HTR1E: variants seen among roughly 807,000 people sequenced by gnomAD.
The protein encoded by HTR1E is 5-HT-1E.
Under a neutral mutation model 3.4 loss-of-function variants are expected in HTR1E, and 3 were observed. The ratio of observed to expected loss-of-function variants is 0.89; its 90% CI spans 0.41 to 2.31. HTR1E has a LOEUF of 2.31. HTR1E is among the 30% of genes most tolerant of loss of function. HTR1E has a pLI of 0.05. For synonymous variants in HTR1E, 170 were observed against 182.8 expected (o/e 0.93, Z 0.56); for missense variants, 392 against 467.0 (o/e 0.84, Z 1.48).
chr6:86,994,592 G>GC (rs1180006957), intron 1 of HTR1E, among the ~76,000 whole-genome samples: 1 of 106,162 alleles, frequency 9.4e-6, no homozygotes, highest in African/African-American at 3.7e-5. Context: ...AAGGGAATTT[G>GC]CCTGAAGATC....
chr6:87,010,033 G>C (rs1176961196), intron 1 of HTR1E, among the ~76,000 whole-genome samples: 23 of 126,698 alleles, frequency 1.8e-4, no homozygotes, highest in African/African-American at 5.4e-4. Context: ...CCTCCCTCCC[G>C]GACGGGGTGG....
intron 1 of HTR1E, among the ~76,000 whole-genome samples, chr6:86,973,298 CTGTG>C (rs3043129): frequency 0.35 from 51,585 of 149,384 alleles, 8,776 homozygotes; most frequent in South Asian, 0.4. Flanking sequence ...AAGGCAGTGG[CTGTG>C]TGTGTGTGTG....
intron 1 of HTR1E, among the ~76,000 whole-genome samples, chr6:86,972,764 G>A (rs1767578220): frequency 6.6e-6 from 1 of 152,104 alleles, no homozygotes; most frequent in African/African-American, 2.4e-5. Context: ...ATGCGAGTTG[G>A]GGGAACTCTG....
chr6:87,015,184 C>T lies in HTR1E; in HGVS notation c.-151C>T. 2 of 491,584 alleles carry T rather than the reference C, an allele frequency of 4.1e-6. No individual in the cohort carries two copies. Among genetic ancestry groups the T allele is most frequent in the Non-Finnish European group, 6.7e-6 (2 of 298,554 alleles). The allele number at this position is 491,584 out of a possible 1,614,324, so 30.5% of individuals were successfully genotyped here. On this transcript the variant is annotated 5_prime_UTR_variant, in exon 2 of 2. Coordinates refer to ENST00000305344, the MANE Select transcript of HTR1E (RefSeq NM_000865.3). ...CTCAGAAGAAATGCTGTGGCCCTTC[C>T]CTTTACCAACAGAAAATGGAACACA...
intron 1 of HTR1E, among the ~76,000 whole-genome samples, chr6:87,010,017 C>T (rs1768184466): frequency 7.9e-6 from 1 of 127,212 alleles, no homozygotes; most frequent in Non-Finnish European, 1.7e-5. Flanking sequence ...AGGGCTGACC[C>T]CCCCACCTCC....
intron 1 of HTR1E, among the ~76,000 whole-genome samples, chr6:86,969,511 T>G (rs1326589108): frequency 6.6e-6 from 1 of 152,210 alleles, no homozygotes; most frequent in Non-Finnish European, 1.5e-5. Flanking sequence ...GAACATTATT[T>G]TCCGCCATGT....
At chr6:86,984,473 T>C (rs975700902) in intron 1 of HTR1E, among the ~76,000 whole-genome samples, 3 of 152,202 alleles carry the variant, frequency 2.0e-5, no homozygotes, top group African/African-American at 7.2e-5. Context: ...TGGGTTTTAA[T>C]ACTGTACTCT....
intron 1 of HTR1E, among the ~76,000 whole-genome samples, chr6:86,968,756 C>T (rs1767509076): frequency 6.6e-6 from 1 of 151,970 alleles, no homozygotes; most frequent in East Asian, 1.9e-4. Context: ...GTGTGGCATT[C>T]GTTTTCATTA....
At chr6:87,006,505 A>C (rs1019540811) in intron 1 of HTR1E, among the ~76,000 whole-genome samples, 1 of 152,220 alleles carries the variant, frequency 6.6e-6, no homozygotes, top group Non-Finnish European at 1.5e-5. Context: ...ACATTGTGGA[A>C]TATGGTGTGG....
chr6:86,999,628 T>TA (rs1352796519), intron 1 of HTR1E, among the ~76,000 whole-genome samples: 1 of 152,256 alleles, frequency 6.6e-6, no homozygotes, highest in East Asian at 1.9e-4. Flanking sequence ...TGATTTTCTC[T>TA]ACCAATGGTT....
intron 1 of HTR1E, among the ~76,000 whole-genome samples, chr6:86,986,738 C>T (rs1040131767): frequency 6.6e-6 from 1 of 152,088 alleles, no homozygotes. Context: ...GATATTAGTA[C>T]CCTATCAAAT....
chr6:86,959,132 T>C (rs944702733), intron 1 of HTR1E, among the ~76,000 whole-genome samples: 1 of 152,138 alleles, frequency 6.6e-6, no homozygotes, highest in East Asian at 1.9e-4. Flanking sequence ...AGAGGCAGAA[T>C]TCCCTCTTCC....
intron 1 of HTR1E, among the ~76,000 whole-genome samples, chr6:86,950,193 T>G (rs1767216190): frequency 6.6e-6 from 1 of 152,182 alleles, no homozygotes; most frequent in African/African-American, 2.4e-5. Flanking sequence ...AAAATTTCAC[T>G]ATTCTTGAAA....
In HTR1E at chr6:87,011,848, G is replaced by C. The variant is rs1214732867; in HGVS notation, c.-185-3302G>C. ...AAAAAGGAAAAGAGAGCTTTTAATA[G>C]GTGGCTGAAAGGGTTAGAAAAAAAA... is the stretch of plus-strand genomic sequence containing the variant. On this transcript the variant is annotated intron_variant, in intron 1 of 1. Transcript: ENST00000305344. 5.3e-5 allele frequency among the ~76,000 whole-genome samples: 8 copies of C among 152,160 alleles called. No individual in the cohort carries two copies. In the South Asian group the frequency reaches 1.7e-3, roughly 32 times the overall value.
intron 1 of HTR1E, among the ~76,000 whole-genome samples, chr6:86,990,449 G>A (rs1767856948): frequency 6.6e-6 from 1 of 152,086 alleles, no homozygotes; most frequent in African/African-American, 2.4e-5. Flanking sequence ...AGGTGTTGTT[G>A]CCAGTCTATA....
chr6:86,955,825 A>C (rs1439341881), intron 1 of HTR1E, among the ~76,000 whole-genome samples: 1 of 152,206 alleles, frequency 6.6e-6, no homozygotes, highest in East Asian at 1.9e-4. Context: ...TGAGAAACTG[A>C]TGATAAATTT....
chr6:87,009,686 G>T (rs1290386596), intron 1 of HTR1E, among the ~76,000 whole-genome samples: 1 of 146,818 alleles, frequency 6.8e-6, no homozygotes, highest in Non-Finnish European at 1.5e-5. Flanking sequence ...TGGCCGGGCG[G>T]GGGGCCGACC....
chr6:87,013,834 A>G (rs1768274990), intron 1 of HTR1E, among the ~76,000 whole-genome samples: 1 of 152,222 alleles, frequency 6.6e-6, no homozygotes, highest in Non-Finnish European at 1.5e-5. Flanking sequence ...TGGGCGAAGG[A>G]TATGAACAGC....
At chr6:87,001,473 G>C (rs4707338) in intron 1 of HTR1E, among the ~76,000 whole-genome samples, 27,869 of 152,122 alleles carry the variant, frequency 0.18, 3,282 homozygotes, top group African/African-American at 0.32. Flanking sequence ...GCTTGCCACA[G>C]AGAAAGTCAA....
Sources: gnomAD v4.1 joint callset for allele counts (sites outside exome capture counted in the v4.1 genomes callset) on GRCh38, gnomAD v4.1.1 for gene constraint, MANE v1.5 for transcripts, NCBI Gene and HGNC (gene_info 2026-07-23, HGNC 2026-07-21) for gene names.